DPF3: variants seen among roughly 807,000 people sequenced by gnomAD.
The protein encoded by DPF3 is zinc finger protein DPF3.
A neutral mutation model predicts 56.8 loss-of-function variants in DPF3; 18 were observed. The ratio of observed to expected loss-of-function variants is 0.32; its 90% CI spans 0.22 to 0.47. DPF3 has a LOEUF of 0.47. DPF3 is among the 20% of genes least tolerant of loss of function. The pLI is 1.00. For synonymous variants in DPF3, 188 were observed against 180.2 expected, an observed-to-expected ratio of 1.04 and a Z score of -0.35; for missense variants, 403 against 488.8, an observed-to-expected ratio of 0.82 and a Z score of 1.65.
At chr14:72,741,518 G>A (rs1890122426) in intron 3 of DPF3, among the ~76,000 whole-genome samples, 1 of 152,244 alleles carries the variant, frequency 6.6e-6, no homozygotes, top group Admixed American at 6.5e-5. Flanking sequence ...CCCCAGGCCA[G>A]GCTGGGAACC....
rs948125332 is a variant in DPF3 at position 72,609,536 on chromosome 14, T to G, written c.*9761A>C. On this transcript the variant is annotated 3_prime_UTR_variant, in exon 11 of 11. Transcript: ENST00000556509. ...CCAACACTGAAACACTGAGAGAGCT[T>G]GATACGTTCCTTAGGCAGGGCAGAA... 6.6e-6 allele frequency among the ~76,000 whole-genome samples: 1 copy of G among 152,188 alleles called. No individual in the cohort carries two copies. Among genetic ancestry groups the G allele is most frequent in the Admixed American group, 6.5e-5 (1 of 15,288 alleles).
At chr14:72,752,123 G>A (rs1043030810) in intron 3 of DPF3, among the ~76,000 whole-genome samples, 1 of 152,216 alleles carries the variant, frequency 6.6e-6, no homozygotes, top group African/African-American at 2.4e-5. Flanking sequence ...TTGCAAGGAA[G>A]GAGTGAGGTA....
intron 3 of DPF3, among the ~76,000 whole-genome samples, chr14:72,737,873 C>A (rs1889959078): frequency 6.6e-6 from 1 of 152,082 alleles, no homozygotes; most frequent in Admixed American, 6.5e-5. Context: ...GGCAAAGAAT[C>A]CTCCTGCTAG....
intron 1 of DPF3, among the ~76,000 whole-genome samples, chr14:72,846,979 A>T (rs1254464920): frequency 6.6e-6 from 1 of 152,214 alleles, no homozygotes; most frequent in Non-Finnish European, 1.5e-5. Flanking sequence ...CTTCATTAAC[A>T]TGTTATCTTC....
chr14:72,699,377 C>T (rs924282455), intron 6 of DPF3, among the ~76,000 whole-genome samples: 1 of 151,754 alleles, frequency 6.6e-6, no homozygotes, highest in African/African-American at 2.4e-5. Flanking sequence ...TCAAGATTAG[C>T]CAGGTGTAGT....
At chr14:72,762,576 A>G (rs1891112177) in intron 2 of DPF3, among the ~76,000 whole-genome samples, 1 of 151,898 alleles carries the variant, frequency 6.6e-6, no homozygotes, top group African/African-American at 2.4e-5. Flanking sequence ...CAAACTAGAA[A>G]TAGAAGGGAG....
intron 1 of DPF3, among the ~76,000 whole-genome samples, chr14:72,823,410 G>A (rs992928065): frequency 2.0e-5 from 3 of 152,220 alleles, no homozygotes; most frequent in Non-Finnish European, 2.9e-5. Flanking sequence ...AGGACATGGC[G>A]GACGCGTCCC....
rs1889864527 is a variant in DPF3, at chr14:72,735,739, A to AG, written c.302-3806dup. 2.0e-5 allele frequency among the ~76,000 whole-genome samples: 3 copies of AG among 152,318 alleles called. No individual in the cohort carries two copies. In the South Asian group the frequency reaches 6.2e-4, roughly 32 times the overall value. ...CCCTAGCCTTGCCACGTATTAGTAA[A>AG]GGGACCATGGGCTAGCTACGTAACC... On this transcript the variant is annotated intron_variant, in intron 3 of 10. Transcript: ENST00000556509.
intron 1 of DPF3, among the ~76,000 whole-genome samples, chr14:72,791,739 TCA>T (rs1892441109): frequency 6.6e-6 from 1 of 152,222 alleles, no homozygotes; most frequent in South Asian, 2.1e-4. Flanking sequence ...AAAAACAAGT[TCA>T]CAGAGGTTAA....
chr14:72,611,012 A>G lies in DPF3; in HGVS notation c.*8285T>C, dbSNP rs1250290149. Among the ~76,000 whole-genome samples, 6 of 152,220 alleles carry G rather than the reference A, an allele frequency of 3.9e-5. No individual in the cohort carries two copies. On this transcript the variant is annotated 3_prime_UTR_variant, in exon 11 of 11. Coordinates refer to ENST00000556509, the MANE Select transcript of DPF3 (RefSeq NM_001280542.3). ...TCACGCACTTTAAAACCAGACTCAC[A>G]GCCAAGCCTTGTGTCCCTGACTACC...
intron 3 of DPF3, among the ~76,000 whole-genome samples, chr14:72,737,343 C>G (rs1889933754): frequency 6.6e-6 from 1 of 152,120 alleles, no homozygotes; most frequent in African/African-American, 2.4e-5. Flanking sequence ...GTGCCCCAAG[C>G]CTGCCACCCA....
chr14:72,847,190 C>A (rs1041432511), intron 1 of DPF3, among the ~76,000 whole-genome samples: 3 of 152,156 alleles, frequency 2.0e-5, no homozygotes, highest in Non-Finnish European at 4.4e-5. Context: ...TTTACACTTA[C>A]ACTTACTGAG....
chr14:72,740,610 G>A (rs901069772), intron 3 of DPF3, among the ~76,000 whole-genome samples: 1 of 152,222 alleles, frequency 6.6e-6, no homozygotes, highest in Non-Finnish European at 1.5e-5. Context: ...GCAAAGGTGT[G>A]AAGCCACACC....
intron 2 of DPF3, among the ~76,000 whole-genome samples, chr14:72,763,177 C>T (rs542086935): frequency 5.1e-4 from 78 of 151,936 alleles, no homozygotes; most frequent in African/African-American, 1.9e-3. Context: ...GTCAATTTTC[C>T]CCAAATGGAT....
intron 1 of DPF3, chr14:72,774,064 C>G: frequency 2.3e-6 from 1 of 435,470 alleles, no homozygotes; most frequent in Non-Finnish European, 4.6e-6. Flanking sequence ...GTGGGTGGAT[C>G]GCCTGAGGTC....
chr14:72,740,117 G>T (rs1890065087), intron 3 of DPF3, among the ~76,000 whole-genome samples: 1 of 152,080 alleles, frequency 6.6e-6, no homozygotes, highest in Non-Finnish European at 1.5e-5. Flanking sequence ...AGGCAAAGGG[G>T]CCTTCAGCAC....
At chr14:72,809,127 C>T (rs937293452) in intron 1 of DPF3, among the ~76,000 whole-genome samples, 1 of 152,234 alleles carries the variant, frequency 6.6e-6, no homozygotes, top group Non-Finnish European at 1.5e-5. Context: ...TCTACTTTCC[C>T]TTTGACCTTC....
rs910921524 is a variant in DPF3 at position 72,618,493 on chromosome 14, T to C, written c.*804A>G. Among the ~76,000 whole-genome samples, 3 of 152,150 alleles carry C rather than the reference T, an allele frequency of 2.0e-5. No individual in the cohort carries two copies. The highest frequency in any genetic ancestry group is 7.2e-5 in the African/African-American group (3 of 41,412). On this transcript the variant is annotated 3_prime_UTR_variant, in exon 11 of 11. Coordinates refer to ENST00000556509, the MANE Select transcript of DPF3 (RefSeq NM_001280542.3). ...TCCTCTGTCCATAGGCCATGACTGG[T>C]CTCACCTAAAGGATGCCCCAGCTCT...
chr14:72,627,070 A>G (rs1213009836), intron 9 of DPF3, among the ~76,000 whole-genome samples: 1 of 151,928 alleles, frequency 6.6e-6, no homozygotes, highest in Non-Finnish European at 1.5e-5. Flanking sequence ...TAGCCCTTAA[A>G]CTGTGGTACA....
Sources: allele counts gnomAD v4.1 joint callset (sites outside exome capture counted in the v4.1 genomes callset), GRCh38; gene constraint gnomAD v4.1.1; transcripts MANE v1.5; gene names NCBI Gene and HGNC (gene_info 2026-07-23, HGNC 2026-07-21).